ROR1: variants seen among roughly 807,000 people sequenced by gnomAD.
ROR1 encodes ROR family WNT receptor 1.
Under a neutral mutation model 78.8 loss-of-function variants are expected in ROR1, and 19 were observed. The observed-to-expected ratio is 0.24, with a 90% CI of 0.17 to 0.35. The LOEUF is 0.35. ROR1 is among the 10% of genes least tolerant of loss of function. The pLI is 1.00. For synonymous variants in ROR1, 386 were observed against 433.6 expected (o/e 0.89, Z 1.36); for missense variants, 917 against 1,177.8 (o/e 0.78, Z 3.24).
At chr1:63,886,824 C>T (rs560903982) in intron 1 of ROR1, among the ~76,000 whole-genome samples, 64 of 152,320 alleles carry the variant, frequency 4.2e-4, no homozygotes, top group Admixed American at 1.0e-3. Context: ...AAATCAGAAC[C>T]GTCAGCTCAC....
chr1:63,994,367 C>G (rs541172513), intron 1 of ROR1, among the ~76,000 whole-genome samples: 1 of 152,090 alleles, frequency 6.6e-6, no homozygotes, highest in Non-Finnish European at 1.5e-5. Context: ...CAGACCTCGG[C>G]GGGGACCTTG....
intron 1 of ROR1, among the ~76,000 whole-genome samples, chr1:63,899,530 T>G (rs1320985751): frequency 3.9e-5 from 6 of 152,170 alleles, no homozygotes; most frequent in African/African-American, 1.4e-4. Context: ...TTGTTTATGC[T>G]GCCTGGCATC....
intron 1 of ROR1, among the ~76,000 whole-genome samples, chr1:63,886,002 C>A (rs192623598): frequency 5.6e-5 from 8 of 142,834 alleles, no homozygotes; most frequent in Non-Finnish European, 9.4e-5. Context: ...GCTTGTTTTC[C>A]CACAACTAGA....
intron 1 of ROR1, among the ~76,000 whole-genome samples, chr1:63,907,416 A>G (rs1645537967): frequency 6.6e-6 from 1 of 152,196 alleles, no homozygotes; most frequent in African/African-American, 2.4e-5. Context: ...ATGAAATGAA[A>G]CCAGCTATGC....
intron 1 of ROR1, among the ~76,000 whole-genome samples, chr1:63,868,614 C>A (rs1208272951): frequency 2.0e-5 from 3 of 152,178 alleles, no homozygotes; most frequent in Non-Finnish European, 4.4e-5. Context: ...GTGAAAAGGG[C>A]CTGGCCTAGA....
At chr1:63,944,887 G>A (rs1365579511) in intron 1 of ROR1, among the ~76,000 whole-genome samples, 4 of 151,888 alleles carry the variant, frequency 2.6e-5, no homozygotes, top group African/African-American at 4.8e-5. Flanking sequence ...TTCCCACAGG[G>A]GTGTTATAAG....
At position 64,137,262 on chromosome 1, in the gene ROR1, C is replaced by T. The variant is rs1280472057; in HGVS notation, c.483-107C>T. ...TTAGCCCAGTCTTTTGTATATTGTG[C>T]CCAACTGTGCCCCCTAGTGACTATT... On this transcript the variant is annotated intron_variant, in intron 4 of 8. Coordinates refer to ENST00000371079, the MANE Select transcript of ROR1 (RefSeq NM_005012.4). 7.6e-6 allele frequency: 9 copies of T among 1,180,544 alleles called. No homozygotes were observed. The East Asian group carries it at 2.2e-4, about 29-fold the overall frequency. 73.1% of individuals were successfully genotyped at this position (1,180,544 alleles called of 1,614,324 possible).
intron 4 of ROR1, among the ~76,000 whole-genome samples, chr1:64,056,354 A>ATTATTTATTTAT (rs55742208): frequency 1.7e-4 from 25 of 148,412 alleles, no homozygotes; most frequent in African/African-American, 5.6e-4. Context: ...TTATTTAAAA[A>ATTATTTATTTAT]TTATTTATTT....
At chr1:64,156,331 GTCTA>G (rs1460026968) in intron 7 of ROR1, among the ~76,000 whole-genome samples, 4 of 151,820 alleles carry the variant, frequency 2.6e-5, no homozygotes, top group Admixed American at 1.3e-4. Context: ...ATTCCTTTCT[GTCTA>G]TCTATAGGCA....
intron 1 of ROR1, among the ~76,000 whole-genome samples, chr1:63,822,668 C>T (rs947748888): frequency 1.2e-4 from 19 of 152,142 alleles, no homozygotes; most frequent in African/African-American, 3.4e-4. Flanking sequence ...GAACAGCTTT[C>T]CATATCAAAA....
At chr1:63,979,254 G>C (rs924417061) in intron 1 of ROR1, among the ~76,000 whole-genome samples, 4 of 152,160 alleles carry the variant, frequency 2.6e-5, no homozygotes, top group Admixed American at 2.6e-4. Context: ...AATGGCTGCT[G>C]ACTCGGGGGT....
chr1:64,122,550 C>T (rs1648579328), intron 4 of ROR1, among the ~76,000 whole-genome samples: 3 of 152,206 alleles, frequency 2.0e-5, no homozygotes, highest in Admixed American at 2.0e-4. Context: ...GCCTTGTCCA[C>T]TGCTGTGGCC....
intron 4 of ROR1, among the ~76,000 whole-genome samples, chr1:64,115,260 G>T (rs1484064016): frequency 6.6e-6 from 1 of 152,064 alleles, no homozygotes; most frequent in Non-Finnish European, 1.5e-5. Context: ...CTGTTGCCCA[G>T]GATGGAGTGC....
chr1:64,011,422 CA>C (rs1406071856), intron 2 of ROR1, among the ~76,000 whole-genome samples: 1 of 152,180 alleles, frequency 6.6e-6, no homozygotes, highest in African/African-American at 2.4e-5. Context: ...ATGGTGCCAA[CA>C]GAAAAATTAT....
chr1:63,775,725 TG>T (rs769180496), intron 1 of ROR1, among the ~76,000 whole-genome samples: 3 of 152,238 alleles, frequency 2.0e-5, no homozygotes, highest in Non-Finnish European at 2.9e-5. Flanking sequence ...AAACACACTC[TG>T]GAAGGAAGTT....
At chr1:64,108,531 C>T (rs1266060851) in intron 4 of ROR1, 1 of 149,314 alleles carries the variant, frequency 6.7e-6, no homozygotes, top group Non-Finnish European at 1.5e-5. Flanking sequence ...TGGGTGTATT[C>T]AACACTCCAC....
At chr1:64,099,714 A>G (rs1647443665) in intron 4 of ROR1, among the ~76,000 whole-genome samples, 2 of 152,194 alleles carry the variant, frequency 1.3e-5, no homozygotes, top group African/African-American at 4.8e-5. Context: ...ATTTCAAGTA[A>G]CACATGCTCA....
intron 4 of ROR1, among the ~76,000 whole-genome samples, chr1:64,128,291 CAAAAAAAA>C (rs72429774): frequency 9.9e-6 from 1 of 101,280 alleles, no homozygotes; most frequent in African/African-American, 4.1e-5. Flanking sequence ...CCTGTCTCTA[CAAAAAAAA>C]AAAAAAAAAA....
chr1:63,996,014 A>G (rs1356408339), intron 1 of ROR1, among the ~76,000 whole-genome samples: 1 of 152,170 alleles, frequency 6.6e-6, no homozygotes, highest in Non-Finnish European at 1.5e-5. Flanking sequence ...TTATAGGAAT[A>G]AATGTGATAA....
Sources: allele counts gnomAD v4.1 joint callset (sites outside exome capture counted in the v4.1 genomes callset), GRCh38; gene constraint gnomAD v4.1.1; transcripts MANE v1.5; gene names NCBI Gene and HGNC (gene_info 2026-07-23, HGNC 2026-07-21).